The following CCDC85A variants were observed in gnomAD, a reference collection of about 807,000 sequenced individuals.
CCDC85A encodes the protein coiled-coil domain containing 85A, also known as coiled-coil domain-containing protein 85A.
Under a neutral mutation model 50.2 loss-of-function variants are expected in CCDC85A, and 38 were observed. The ratio of observed to expected loss-of-function variants is 0.76; its 90% CI spans 0.58 to 0.99. The LOEUF (loss-of-function observed/expected upper bound fraction) is 0.99. Ranked by LOEUF, CCDC85A falls within the 50% of genes least tolerant of loss-of-function variation. The pLI, the probability that CCDC85A is intolerant of heterozygous loss-of-function variation, is 0.00. For synonymous variants in CCDC85A, 366 were observed against 301.4 expected (o/e 1.21, Z -2.22); for missense variants, 820 against 742.0 (o/e 1.11, Z -1.22).
chr2:56,253,353 G>A (rs779732121), intron 2 of CCDC85A, among the ~76,000 whole-genome samples: 10 of 152,192 alleles, frequency 6.6e-5, no homozygotes, highest in Non-Finnish European at 1.2e-4. Context: ...ACAGGAGCTA[G>A]GGTGAAGATC....
Position 56,192,757 on chromosome 2 carries a change from C to T in CCDC85A, c.557C>T (p.Ser186Phe), listed in dbSNP as rs1026693269. 1 of 1,613,118 alleles carries T rather than the reference C, an allele frequency of 6.2e-7. No individual in the cohort carries two copies. Among genetic ancestry groups the T allele is most frequent in the South Asian group, 1.1e-5 (1 of 91,052 alleles). The change falls in exon 2 of 6, where the codon TCC becomes TTC. Residue 186 changes from serine to phenylalanine, a missense_variant. Coordinates refer to ENST00000407595, the MANE Select transcript of CCDC85A (RefSeq NM_001080433.2). This position sits in a 1 kb window ranked among gnomAD's most constrained non-coding sequence, Gnocchi z 4.7. ...GCAGGCTGCGCAGGCAGCCGCTGCT[C>T]CATCGACAGCCAGGCCAGCCTGTGC... ...KGAGCAGSRC[S>F]IDSQASLCQL... is the part of the protein sequence containing the mutation.
chr2:56,359,476 C>A (rs563617403), intron 3 of CCDC85A, among the ~76,000 whole-genome samples: 1 of 152,108 alleles, frequency 6.6e-6, no homozygotes, highest in African/African-American at 2.4e-5. Flanking sequence ...CTTTTGTTTC[C>A]TGGCGATCTC....
At chr2:56,364,955 C>T (rs1443368621) in intron 3 of CCDC85A, among the ~76,000 whole-genome samples, 2 of 152,166 alleles carry the variant, frequency 1.3e-5, no homozygotes, top group Non-Finnish European at 2.9e-5. Flanking sequence ...TCAATCTGTC[C>T]ACCACCAATC....
chr2:56,304,671 G>T (rs561565177), intron 2 of CCDC85A, among the ~76,000 whole-genome samples: 1 of 152,090 alleles, frequency 6.6e-6, no homozygotes, highest in South Asian at 2.1e-4. Context: ...TTATCCATGG[G>T]GGAATCTGGG....
chr2:56,358,174 A>G (rs1322798634), intron 3 of CCDC85A, among the ~76,000 whole-genome samples: 1 of 152,182 alleles, frequency 6.6e-6, no homozygotes, highest in African/African-American at 2.4e-5. Context: ...CCATCAGCCA[A>G]AACAAACCTC....
chr2:56,305,102 C>CAAA (rs545097233), intron 2 of CCDC85A, among the ~76,000 whole-genome samples: 2,415 of 113,394 alleles, frequency 0.021, 71 homozygotes, highest in African/African-American at 0.064. Context: ...GACTCTGCCT[C>CAAA]AAAAAAAAAA....
chr2:56,206,422 C>T (rs1367143941), intron 2 of CCDC85A, among the ~76,000 whole-genome samples: 9 of 151,982 alleles, frequency 5.9e-5, no homozygotes, highest in African/African-American at 2.2e-4. Flanking sequence ...AATGAACAGA[C>T]GTTTATTTGG....
At position 56,184,889 on chromosome 2, in the gene CCDC85A, C is replaced by A. The variant is rs1263389543; in HGVS notation, c.265C>A (p.Arg89Ser). Residue 89 changes from arginine (R) to serine (S), a missense_variant, in exon 1 of 6, where the codon CGC (arginine) becomes AGC (serine). Arg to Ser is a moderately radical substitution (Grantham distance 110). Coordinates refer to ENST00000407595, the MANE Select transcript of CCDC85A (RefSeq NM_001080433.2). ...CCTGCAGCTGCACCTCGGCGAGATCCGCGGCCTCAAGGTGAGCGCGGGCCA... is the reference window on the plus strand; with the variant it reads ...CCTGCAGCTGCACCTCGGCGAGATCAGCGGCCTCAAGGTGAGCGCGGGCCA... Reference protein sequence around the residue: ...RRLQLHLGEIRGLKDINQKLQ... With the variant: ...RRLQLHLGEISGLKDINQKLQ... 1.3e-6 allele frequency: 2 copies of A among 1,520,526 alleles called. No homozygotes were observed. The highest frequency in any genetic ancestry group is 1.8e-6 in the Non-Finnish European group (2 of 1,137,856). The allele number at this position is 1,520,526 out of a possible 1,614,324, so 94.2% of individuals were successfully genotyped here.
intron 2 of CCDC85A, among the ~76,000 whole-genome samples, chr2:56,339,304 G>A (rs1478629810): frequency 6.6e-6 from 1 of 151,930 alleles, no homozygotes; most frequent in Non-Finnish European, 1.5e-5. Flanking sequence ...GCCCATATTT[G>A]CAGTGAATGC....
intron 2 of CCDC85A, among the ~76,000 whole-genome samples, chr2:56,201,221 T>C (rs996664534): frequency 1.3e-5 from 2 of 152,144 alleles, no homozygotes; most frequent in African/African-American, 4.8e-5. Flanking sequence ...TTATACCTCC[T>C]TCACCTTCAT....
chr2:56,239,657 C>T (rs1216857849), intron 2 of CCDC85A, among the ~76,000 whole-genome samples: 4 of 152,094 alleles, frequency 2.6e-5, no homozygotes, highest in South Asian at 2.1e-4. Flanking sequence ...TAAGGGGGTT[C>T]ATCAACGGTT....
intron 2 of CCDC85A, among the ~76,000 whole-genome samples, chr2:56,322,039 G>A (rs1673225573): frequency 6.6e-6 from 1 of 152,078 alleles, no homozygotes; most frequent in African/African-American, 2.4e-5. Flanking sequence ...ACAAGAAATG[G>A]GGAAAGGATT....
intron 2 of CCDC85A, among the ~76,000 whole-genome samples, chr2:56,275,223 C>G (rs977613223): frequency 2.0e-5 from 3 of 152,004 alleles, no homozygotes; most frequent in Admixed American, 2.0e-4. Context: ...ATTAGGCCTG[C>G]TGGCCTTGAA....
chr2:56,214,676 T>G (rs1482465921), intron 2 of CCDC85A, among the ~76,000 whole-genome samples: 2 of 151,958 alleles, frequency 1.3e-5, no homozygotes, highest in African/African-American at 4.8e-5. Flanking sequence ...TTGTTAAAGA[T>G]CAATGGACTG....
chr2:56,302,832 G>T (rs1338705239), intron 2 of CCDC85A, among the ~76,000 whole-genome samples: 1 of 152,162 alleles, frequency 6.6e-6, no homozygotes, highest in Admixed American at 6.6e-5. Context: ...TCTAGTGTAA[G>T]AATTGAGAAT....
At chr2:56,373,878 T>A (rs932841575) in intron 4 of CCDC85A, among the ~76,000 whole-genome samples, 1 of 152,158 alleles carries the variant, frequency 6.6e-6, no homozygotes, top group Non-Finnish European at 1.5e-5. Context: ...AGCTTCCTTT[T>A]ATAACTCCTT....
chr2:56,324,034 C>T (rs1673347950), intron 2 of CCDC85A, among the ~76,000 whole-genome samples: 1 of 152,090 alleles, frequency 6.6e-6, no homozygotes, highest in South Asian at 2.1e-4. Context: ...TTTGAATTTA[C>T]AGGGGCCATG....
intron 2 of CCDC85A, among the ~76,000 whole-genome samples, chr2:56,209,997 C>T (rs868306808): frequency 1.3e-5 from 2 of 152,164 alleles, no homozygotes; most frequent in Middle Eastern, 3.4e-3. Flanking sequence ...AACTAGAGCA[C>T]ATCCTGGAAT....
chr2:56,361,693 A>T (rs893960093), intron 3 of CCDC85A, among the ~76,000 whole-genome samples: 1 of 152,188 alleles, frequency 6.6e-6, no homozygotes, highest in South Asian at 2.1e-4. Flanking sequence ...AGTGGGTAAA[A>T]TGGAGAATAA....
Sources: allele counts gnomAD v4.1 joint callset (sites outside exome capture counted in the v4.1 genomes callset), GRCh38; gene constraint gnomAD v4.1.1; non-coding constraint Gnocchi (gnomAD v3.1); transcripts MANE v1.5; gene names NCBI Gene and HGNC (gene_info 2026-07-23, HGNC 2026-07-21).